The following CYP11A1 variants were observed in gnomAD, a reference collection of about 807,000 sequenced individuals.
The protein encoded by CYP11A1 is cholesterol side-chain cleavage enzyme, mitochondrial.
A neutral mutation model predicts 51.9 loss-of-function variants in CYP11A1; 25 were observed. The ratio of observed to expected loss-of-function variants is 0.48; its 90% CI spans 0.35 to 0.67. The LOEUF is 0.67. Ranked by LOEUF, CYP11A1 falls within the 30% of genes least tolerant of loss-of-function variation. The pLI, the probability that CYP11A1 is intolerant of heterozygous loss-of-function variation, is 0.00. For missense variants in CYP11A1, 578 were observed against 680.9 expected (o/e 0.85, Z 1.68); for synonymous variants, 245 against 262.1 (o/e 0.93, Z 0.63).
chr15:74,338,761 A>T lies in CYP11A1; in HGVS notation c.1244T>A (p.Val415Glu), dbSNP rs121912814. 6.2e-7 allele frequency: 1 copy of T among 1,613,976 alleles called. No homozygotes were observed. The highest frequency in any genetic ancestry group is 1.3e-5 in the African/African-American group (1 of 75,008). The change falls in exon 8 of 9, where the codon GTG becomes GAG. Residue 415 changes from valine (V) to glutamate (E), a missense_variant. Physicochemically the swap from Val to Glu is moderately radical, Grantham distance 121. Transcript: ENST00000268053. ...GCCCAGAGCATAGATGGCCACTTGC[A>T]CCAGTGTCTGGGGCAAGGTGATCAG... ...RDYMIPAKTL[V>E]QVAIYALGRE...
At chr15:74,356,486 C>A (rs1313614078) in intron 1 of CYP11A1, 2 of 152,186 alleles carry the variant, frequency 1.3e-5, no homozygotes, top group African/African-American at 4.8e-5. Flanking sequence ...GTAAGTCCGT[C>A]CCCTTCTTAA....
In CYP11A1 at chr15:74,343,125, G is replaced by T. The variant is rs1429615449; in HGVS notation, c.842C>A (p.Thr281Asn). The T allele has an allele frequency of 6.2e-7, 1 of 1,613,850 alleles. No individual in the cohort carries two copies. Among genetic ancestry groups the T allele is most frequent in the East Asian group, 2.2e-5 (1 of 44,870 alleles). The change falls in exon 5 of 9, where the codon ACC (threonine) becomes AAC (asparagine). Residue 281 changes from threonine to asparagine, a missense_variant. By Grantham distance (65) the Thr-to-Asn change is moderately conservative. Transcript: ENST00000268053. ...TCTCAATTCCCAGTAGAAGTTCTGGGTGTATATGTCAGCTGTGGGGAAGGA... is the reference window on the plus strand; with the variant it reads ...TCTCAATTCCCAGTAGAAGTTCTGGTTGTATATGTCAGCTGTGGGGAAGGA... ...DVIFSKADIY[T>N]QNFYWELRQK...
chr15:74,365,428 A>T (rs1202427342), intron 1 of CYP11A1: 1 of 153,044 alleles, frequency 6.5e-6, no homozygotes, highest in Non-Finnish European at 1.5e-5. Context: ...CCCCAGCAGG[A>T]CAGGAATCTA....
At position 74,337,804 on chromosome 15, in the gene CYP11A1, G is replaced by C. The variant is rs1403256975; in HGVS notation, c.*168C>G. 5.0e-6 allele frequency: 4 copies of C among 797,308 alleles called. No individual in the cohort carries two copies. The highest frequency in any genetic ancestry group is 6.3e-6 in the Non-Finnish European group (3 of 475,012). The allele number at this position is 797,308 out of a possible 1,614,324, so 49.4% of individuals were successfully genotyped here. A position where few individuals can be genotyped will look rare whatever the true frequency, so the allele number is the denominator to read the frequency against. On this transcript the variant is annotated 3_prime_UTR_variant, in exon 9 of 9. Transcript: ENST00000268053. The stretch of plus-strand genomic sequence containing the variant: ...TTGTCTCCATGGGGTGGGTGAAGAG[G>C]AGTGGCCCAGCTGAGCTGAGGAAGG...
At chr15:74,349,223 T>C (rs1211534965) in intron 1 of CYP11A1, among the ~76,000 whole-genome samples, 1 of 152,222 alleles carries the variant, frequency 6.6e-6, no homozygotes, top group Non-Finnish European at 1.5e-5. Flanking sequence ...GAAAATTAAT[T>C]CTGTTGTTTA....
In CYP11A1 at chr15:74,344,031, G is replaced by A. The variant is rs199862135; in HGVS notation, c.626-39C>T. The A allele has an allele frequency of 3.7e-4, 593 of 1,584,154 alleles. 1 individual carries two copies. Among genetic ancestry groups the A allele is most frequent in the Non-Finnish European group, 7.5e-5 (87 of 1,154,152 alleles). On this transcript the variant is annotated intron_variant, in intron 3 of 8. Transcript: ENST00000268053. The stretch of plus-strand genomic sequence containing the variant: ...AAGAGGCTGAGGAGCCATTTCTGAC[G>A]GGGCCATCTGAGAGCCACAACTCCC...
chr15:74,356,423 T>C (rs1473134673), intron 1 of CYP11A1: 2 of 152,220 alleles, frequency 1.3e-5, no homozygotes, highest in Non-Finnish European at 2.9e-5. Flanking sequence ...CCCAATCGCC[T>C]CAGAAGCTTC....
At chr15:74,342,145 C>T (rs118078616) in intron 5 of CYP11A1, among the ~76,000 whole-genome samples, 5,340 of 152,236 alleles carry the variant, frequency 0.035, 132 homozygotes, top group Middle Eastern at 0.095. Context: ...TGCAGTGGTG[C>T]GATCTCGGCT....
intron 1 of CYP11A1, among the ~76,000 whole-genome samples, chr15:74,348,885 A>G (rs2060643603): frequency 6.6e-6 from 1 of 152,010 alleles, no homozygotes; most frequent in South Asian, 2.1e-4. Context: ...AGGCACCACC[A>G]TGCTTAATTT....
In CYP11A1 at chr15:74,338,756, C is replaced by T. The variant is rs1472650585; in HGVS notation, c.1249G>A (p.Val417Met). ...YMIPAKTLVQ[V>M]AIYALGREPT... ...TCTCGGCCCAGAGCATAGATGGCCA[C>T]TTGCACCAGTGTCTGGGGCAAGGTG... is the stretch of plus-strand genomic sequence containing the variant. Residue 417 changes from valine to methionine, a missense_variant, in exon 8 of 9, where the codon GTG (valine) becomes ATG (methionine). By Grantham distance (21) the Val-to-Met change is conservative (BLOSUM62 1). Coordinates refer to ENST00000268053, the MANE Select transcript of CYP11A1 (RefSeq NM_000781.3). 1.2e-6 allele frequency: 2 copies of T among 1,614,050 alleles called. No individual in the cohort carries two copies. Among genetic ancestry groups the T allele is most frequent in the Non-Finnish European group, 1.7e-6 (2 of 1,180,022 alleles).
intron 1 of CYP11A1, among the ~76,000 whole-genome samples, chr15:74,351,137 G>C (rs2060654467): frequency 6.6e-6 from 1 of 152,148 alleles, no homozygotes; most frequent in African/African-American, 2.4e-5. Flanking sequence ...CCACCGCCCG[G>C]TTCGCTTAAG....
At chr15:74,351,743 A>C (rs1343553011) in intron 1 of CYP11A1, among the ~76,000 whole-genome samples, 1 of 152,140 alleles carries the variant, frequency 6.6e-6, no homozygotes, top group East Asian at 1.9e-4. Context: ...TTGGAATCTG[A>C]AGTTTACTGT....
chr15:74,341,577 CT>C (rs2060607266), intron 5 of CYP11A1, among the ~76,000 whole-genome samples: 1 of 152,182 alleles, frequency 6.6e-6, no homozygotes, highest in Non-Finnish European at 1.5e-5. Context: ...ACATTAGCCA[CT>C]CCCCACCTCT....
rs1375723324 is a variant in CYP11A1 at position 74,366,299 on chromosome 15, T to G, written c.269+1018A>C. 81 of 786,436 alleles carry G rather than the reference T, an allele frequency of 1.0e-4. No homozygotes were observed. The East Asian group carries it at 9.3e-3, about 90-fold the overall frequency. 48.7% of individuals were successfully genotyped at this position (786,436 alleles called of 1,614,324 possible). ...CCGATTTTTTTTTTTTTTTTTTTTT[T>G]GAGACAGAGTTTCGCTTTTGTTGCC... is the stretch of plus-strand genomic sequence containing the variant. On this transcript the variant is annotated intron_variant, in intron 1 of 8. Coordinates refer to ENST00000268053, the MANE Select transcript of CYP11A1 (RefSeq NM_000781.3).
chr15:74,367,370 G>T lies in CYP11A1; in HGVS notation c.216C>A (p.His72Gln). The change falls in exon 1 of 9, where the codon CAC becomes CAA. Residue 72 changes from histidine to glutamine, a missense_variant. Physicochemically the swap from His to Gln is conservative, Grantham distance 24. Coordinates refer to ENST00000268053, the MANE Select transcript of CYP11A1 (RefSeq NM_000781.3). ...TCTGGACATGGTGAAGGTGGACTTT[G>T]TGTGTGCCCGTCTCCCTCCAGAAAT... ...LYHFWRETGT[H>Q]KVHLHHVQNF... The T allele has an allele frequency of 1.9e-6, 3 of 1,614,160 alleles. No homozygotes were observed. Among genetic ancestry groups the T allele is most frequent in the South Asian group, 2.2e-5 (2 of 91,080 alleles).
At chr15:74,356,662 T>A (rs2141242939) in intron 1 of CYP11A1, among the ~76,000 whole-genome samples, 1 of 152,306 alleles carries the variant, frequency 6.6e-6, no homozygotes, top group East Asian at 1.9e-4. Context: ...TTTTTAGTTA[T>A]CCCCACCTGC....
chr15:74,366,544 T>C (rs2060734637), intron 1 of CYP11A1, among the ~76,000 whole-genome samples: 1 of 151,724 alleles, frequency 6.6e-6, no homozygotes, highest in African/African-American at 2.4e-5. Context: ...GATCTCGAAC[T>C]CCTGTCCTCA....
intron 2 of CYP11A1, among the ~76,000 whole-genome samples, chr15:74,346,800 CTTTTTTTTTT>C (rs1046360822): frequency 1.5e-5 from 2 of 131,768 alleles, no homozygotes; most frequent in Non-Finnish European, 3.3e-5. Context: ...CTTTTCTTTT[CTTTTTTTTTT>C]TTTTTTTTGA....
chr15:74,358,879 G>A (rs2060694001), intron 1 of CYP11A1, among the ~76,000 whole-genome samples: 1 of 151,946 alleles, frequency 6.6e-6, no homozygotes, highest in Non-Finnish European at 1.5e-5. Flanking sequence ...CAATCTTCAG[G>A]AAAGGTAAAA....
Sources: allele counts gnomAD v4.1 joint callset (sites outside exome capture counted in the v4.1 genomes callset), GRCh38; gene constraint gnomAD v4.1.1; transcripts MANE v1.5; gene names NCBI Gene and HGNC (gene_info 2026-07-23, HGNC 2026-07-21).